Variants in GPR158 observed in about 807,000 individuals in gnomAD.
GPR158 encodes the protein G protein-coupled receptor 158, also known as metabotropic glycine receptor.
GPR158 carries 30 observed loss-of-function variants against 78.2 expected under a neutral mutation model. The ratio of observed to expected loss-of-function variants is 0.38; its 90% CI spans 0.29 to 0.52. GPR158 has a LOEUF of 0.52. Ranked by LOEUF, GPR158 falls within the 20% of genes least tolerant of loss-of-function variation. The probability of loss-of-function intolerance (pLI) is 0.83; values close to 1 mark genes in which losing one functional copy is unlikely to be tolerated. For synonymous variants in GPR158, 581 were observed against 591.1 expected, an observed-to-expected ratio of 0.98 and a Z score of 0.25; for missense variants, 1,463 against 1,523.5, an observed-to-expected ratio of 0.96 and a Z score of 0.66.
chr10:25,561,951 A>C (rs182165219), intron 6 of GPR158, among the ~76,000 whole-genome samples: 67 of 152,230 alleles, frequency 4.4e-4, no homozygotes, highest in East Asian at 3.9e-3. Context: ...GGAGGAGAAC[A>C]ACCACCAGAT....
At chr10:25,195,899 A>C (rs1022306321) in intron 1 of GPR158, among the ~76,000 whole-genome samples, 6 of 152,202 alleles carry the variant, frequency 3.9e-5, no homozygotes, top group Non-Finnish European at 8.8e-5. Flanking sequence ...TATTGTTTTT[A>C]GCATTCATTG....
chr10:25,416,669 C>T (rs1430517205), intron 4 of GPR158, among the ~76,000 whole-genome samples: 2 of 152,032 alleles, frequency 1.3e-5, no homozygotes, highest in Non-Finnish European at 2.9e-5. Flanking sequence ...TAATACTTTC[C>T]TGGTTTTAAT....
intron 2 of GPR158, among the ~76,000 whole-genome samples, chr10:25,260,710 G>C (rs1407414769): frequency 3.3e-5 from 5 of 151,942 alleles, no homozygotes; most frequent in Non-Finnish European, 7.4e-5. Flanking sequence ...AAGGGGCTTA[G>C]GTTTTGTCTT....
intron 4 of GPR158, among the ~76,000 whole-genome samples, 186 bp downstream of exon 4, chr10:25,412,659 CT>C (rs1017999893): frequency 6.6e-6 from 1 of 152,144 alleles, no homozygotes; most frequent in African/African-American, 2.4e-5. Flanking sequence ...AAACATGATA[CT>C]TTATTTTAAC....
chr10:25,367,021 T>A (rs1035281789), intron 2 of GPR158, among the ~76,000 whole-genome samples: 1 of 151,738 alleles, frequency 6.6e-6, no homozygotes, highest in Non-Finnish European at 1.5e-5. Context: ...TTATAAATTG[T>A]CTATTGATCA....
chr10:25,391,490 G>T (rs2130522124), intron 2 of GPR158, among the ~76,000 whole-genome samples: 1 of 85,528 alleles, frequency 1.2e-5, no homozygotes, highest in Non-Finnish European at 3.2e-5. Flanking sequence ...AGTTAAAGGA[G>T]ATCATTTTGA....
intron 5 of GPR158, among the ~76,000 whole-genome samples, chr10:25,499,526 G>T (rs1386261679): frequency 6.6e-6 from 1 of 152,180 alleles, no homozygotes; most frequent in Non-Finnish European, 1.5e-5. Context: ...GCTTTTGGAG[G>T]ATATAGCAGT....
chr10:25,353,224 A>G (rs1419522917), intron 2 of GPR158, among the ~76,000 whole-genome samples: 1 of 152,022 alleles, frequency 6.6e-6, no homozygotes, highest in African/African-American at 2.4e-5. Flanking sequence ...TTTTTGTAGC[A>G]CTTAAGCTTA....
At chr10:25,516,084 T>G (rs910659037) in intron 5 of GPR158, among the ~76,000 whole-genome samples, 17 of 152,016 alleles carry the variant, frequency 1.1e-4, no homozygotes, top group African/African-American at 4.1e-4. Flanking sequence ...AGATGATATC[T>G]CATAGTGGTT....
chr10:25,225,820 A>C (rs147104410), intron 2 of GPR158, among the ~76,000 whole-genome samples: 1 of 152,256 alleles, frequency 6.6e-6, no homozygotes, highest in African/African-American at 2.4e-5. Context: ...ACTACATTAG[A>C]TGTAGTTTAA....
At chr10:25,478,355 G>C (rs1161006028) in intron 5 of GPR158, among the ~76,000 whole-genome samples, 1 of 151,860 alleles carries the variant, frequency 6.6e-6, no homozygotes, top group Non-Finnish European at 1.5e-5. Flanking sequence ...TTACAAAGTA[G>C]AACAAAATTA....
chr10:25,317,716 G>GTTTTTTTTTTTTTT lies in GPR158; in HGVS notation c.1009-78186_1009-78185insTTTTTTTTTTTTTT, dbSNP rs756759445. Among the ~76,000 whole-genome samples the GTTTTTTTTTTTTTT allele has an allele frequency of 1.1e-3, 150 of 133,988 alleles. 9 individuals carry two copies. Among genetic ancestry groups the GTTTTTTTTTTTTTT allele is most frequent in the African/African-American group, 2.3e-3 (72 of 31,198 alleles). 87.9% of individuals were successfully genotyped at this position (133,988 alleles called of 152,430 possible). ...TTAAATTCTGTTTTCTTCGTAAAGTGTTTTTTTTTGTTTTGTTTTGTTTTG... is the reference window on the plus strand; with the variant it reads ...TTAAATTCTGTTTTCTTCGTAAAGTGTTTTTTTTTTTTTTTTTTTTTTTGTTTTGTTTTGTTTTG... On this transcript the variant is annotated intron_variant, in intron 2 of 10. Coordinates refer to ENST00000376351, the MANE Select transcript of GPR158 (RefSeq NM_020752.3).
intron 2 of GPR158, among the ~76,000 whole-genome samples, chr10:25,313,507 T>TGC (rs1564419028): frequency 6.8e-6 from 1 of 146,864 alleles, no homozygotes; most frequent in Non-Finnish European, 1.5e-5. Flanking sequence ...AAAAAAAAAA[T>TGC]ATATTTTAAT....
intron 2 of GPR158, among the ~76,000 whole-genome samples, chr10:25,375,916 C>T (rs1834072358): frequency 6.6e-6 from 1 of 151,472 alleles, no homozygotes; most frequent in African/African-American, 2.4e-5. Context: ...CTTATGTATA[C>T]AAAATATATA....
intron 2 of GPR158, among the ~76,000 whole-genome samples, chr10:25,318,013 G>A (rs560604490): frequency 7.2e-5 from 11 of 152,224 alleles, no homozygotes; most frequent in South Asian, 2.1e-4. Context: ...GTGAGTCACC[G>A]TGCCTGGCCC....
intron 4 of GPR158, among the ~76,000 whole-genome samples, chr10:25,442,314 G>T (rs530063142): frequency 2.6e-5 from 4 of 152,256 alleles, no homozygotes; most frequent in Non-Finnish European, 5.9e-5. Context: ...ATCGCAGAAA[G>T]CAAACACGAG....
At position 25,581,981 on chromosome 10, in the gene GPR158, CG is replaced by C. The variant is rs564432530; in HGVS notation, c.1754-7024del. 8.3e-4 allele frequency among the ~76,000 whole-genome samples: 127 copies of C among 152,208 alleles called. 3 individuals carry two copies. In the East Asian group the frequency reaches 0.024, roughly 29 times the overall value. ...AAGGTGAAAGGCACGTCTTAAATGGCGGCAGGCAACGAGAGAATGAGAACCA... is the reference window on the plus strand; with the variant it reads ...AAGGTGAAAGGCACGTCTTAAATGGCGCAGGCAACGAGAGAATGAGAACCA... On this transcript the variant is annotated intron_variant, in intron 7 of 10. Transcript: ENST00000376351.
chr10:25,288,479 A>T (rs1854384776), intron 2 of GPR158, among the ~76,000 whole-genome samples: 1 of 152,210 alleles, frequency 6.6e-6, no homozygotes, highest in African/African-American at 2.4e-5. Context: ...ACAGCATTCG[A>T]TTACAAATGG....
chr10:25,390,625 G>T (rs1301775243), intron 2 of GPR158, among the ~76,000 whole-genome samples: 1 of 152,150 alleles, frequency 6.6e-6, no homozygotes, highest in African/African-American at 2.4e-5. Flanking sequence ...AAAGCATTTA[G>T]TTTTATTCAT....
Sources: gnomAD v4.1 joint callset for allele counts (sites outside exome capture counted in the v4.1 genomes callset) on GRCh38, gnomAD v4.1.1 for gene constraint, MANE v1.5 for transcripts, NCBI Gene and HGNC (gene_info 2026-07-23, HGNC 2026-07-21) for gene names.